Variants in MTA2 observed in about 807,000 individuals in gnomAD.
MTA2 encodes the protein metastasis-associated protein MTA2.
MTA2 carries 22 observed loss-of-function variants against 87.1 expected under a neutral mutation model. The ratio of observed to expected loss-of-function variants is 0.25; its 90% confidence interval spans 0.18 to 0.36. MTA2 has a LOEUF of 0.36. Among genes scored for constraint, MTA2 ranks in the 10% least tolerant of loss-of-function variants. MTA2 has a pLI of 1.00. For synonymous variants in MTA2, 314 were observed against 310.1 expected (o/e 1.01, Z -0.13); for missense variants, 542 against 853.2 (o/e 0.64, Z 4.54).
Position 62,596,866 on chromosome 11 carries a change from T to C in MTA2, c.694-41A>G, listed in dbSNP as rs774791118. ...AGAGCAACTGAGGACCTGAAACTTTTGGCACCACTCCCTTCCTGCTCCTTA... is the reference window on the plus strand; with the variant it reads ...AGAGCAACTGAGGACCTGAAACTTTCGGCACCACTCCCTTCCTGCTCCTTA... On this transcript the variant is annotated intron_variant, in intron 8 of 17. Transcript: ENST00000278823. 5 of 1,562,188 alleles carry C rather than the reference T, an allele frequency of 3.2e-6. No homozygotes were observed. In the South Asian group the frequency reaches 6.1e-5, roughly 19 times the overall value.
At position 62,594,594 on chromosome 11, in the gene MTA2, G is replaced by T. The variant is rs569419752; in HGVS notation, c.1614C>A (p.Thr538=). The T allele has an allele frequency of 6.2e-7, 1 of 1,613,946 alleles. No homozygotes were observed. The highest frequency in any genetic ancestry group is 2.2e-5 in the East Asian group (1 of 44,870). Residue 538 remains threonine (T), a synonymous_variant, in exon 16 of 18, where the codon ACC becomes ACA. Transcript: ENST00000278823. ...APLKPKTPRG[T]KTPINRNQLS... Reference sequence around the variant, plus strand: ...GCTGGTTTCTGTTGATCGGTGTCTTGGTACCCCGAGGTGTTTTTGGTTTCA... The same window carrying T: ...GCTGGTTTCTGTTGATCGGTGTCTTTGTACCCCGAGGTGTTTTTGGTTTCA...
chr11:62,601,300 G>T (rs1355340189), intron 1 of MTA2, 123 bp downstream of exon 1: 3 of 1,268,366 alleles, frequency 2.4e-6, no homozygotes, highest in Admixed American at 4.2e-5. Context: ...TTCCGGTTCC[G>T]GTCCGCGCTC....
intron 15 of MTA2, 114 bp from the exon 16 acceptor site, chr11:62,594,748 T>C: frequency 9.9e-7 from 1 of 1,009,098 alleles, no homozygotes; most frequent in South Asian, 1.5e-5. Flanking sequence ...AAAGTAGCAA[T>C]GGGGGAATGT....
chr11:62,595,621 C>A lies in MTA2; in HGVS notation c.1255-129G>T. ...TACTGACCTCTTGGCCTATGTGTCT[C>A]CCCAACCAGCATCAAGCACCCCGTC... On this transcript the variant is annotated intron_variant, in intron 13 of 17. Coordinates refer to ENST00000278823, the MANE Select transcript of MTA2 (RefSeq NM_004739.4). This position sits in a 1 kb window ranked among gnomAD's most constrained non-coding sequence, Gnocchi z 4.9. 1.3e-6 allele frequency: 2 copies of A among 1,520,392 alleles called. No homozygotes were observed. The highest frequency in any genetic ancestry group is 9.0e-7 in the Non-Finnish European group (1 of 1,115,652). 94.2% of individuals were successfully genotyped at this position (1,520,392 alleles called of 1,614,324 possible). A position where few individuals can be genotyped will look rare whatever the true frequency, so the allele number is the denominator to read the frequency against.
At chr11:62,600,465 C>T (rs1590732987) in intron 2 of MTA2, 157 bp downstream of exon 2, 3 of 826,150 alleles carry the variant, frequency 3.6e-6, no homozygotes, top group South Asian at 1.8e-5. Context: ...TAGTAAAGTT[C>T]CTGCTAACCT....
At position 62,593,723 on chromosome 11, in the gene MTA2, CA is replaced by C. The variant is rs528677661; in HGVS notation, c.*151del. 9 of 919,164 alleles carry C rather than the reference CA, an allele frequency of 9.8e-6. No individual in the cohort carries two copies. Among genetic ancestry groups the C allele is most frequent in the Non-Finnish European group, 1.5e-5 (9 of 618,038 alleles). The allele number at this position is 919,164 out of a possible 1,614,324, so 56.9% of individuals were successfully genotyped here. The stretch of plus-strand genomic sequence containing the variant: ...GAGACAAGTCTCGAGGTGGTAACAC[CA>C]GAGGGCGCCCAACCCCTCCAGGGAC... On this transcript the variant is annotated 3_prime_UTR_variant, in exon 18 of 18. Coordinates refer to ENST00000278823, the MANE Select transcript of MTA2 (RefSeq NM_004739.4).
rs1372994614 is a variant in MTA2 at position 62,601,606 on chromosome 11, G to A, written c.-156C>T. The A allele has an allele frequency of 2.0e-5, 17 of 840,032 alleles. No individual in the cohort carries two copies. The highest frequency in any genetic ancestry group is 2.8e-5 in the Non-Finnish European group (16 of 571,780). 52.0% of individuals were successfully genotyped at this position (840,032 alleles called of 1,614,324 possible). A position where few individuals can be genotyped will look rare whatever the true frequency, so the allele number is the denominator to read the frequency against. On this transcript the variant is annotated 5_prime_UTR_variant, in exon 1 of 18. Transcript: ENST00000278823. ...CGGCACCTCCGCTGCCTCAGCCGTC[G>A]CGGTTCATCCCGGCCCGCGCTGTCG...
Position 62,595,691 on chromosome 11 carries a change from C to T in MTA2, c.1254+61G>A. ...AAAGAGTTGAATATTCTGGCCTTCA[C>T]CTAAGCTCACCATCAATATGCTTAC... On this transcript the variant is annotated intron_variant, in intron 13 of 17. Transcript: ENST00000278823. This position sits in a 1 kb window ranked among gnomAD's most constrained non-coding sequence, Gnocchi z 4.9. 7 of 1,598,428 alleles carry T rather than the reference C, an allele frequency of 4.4e-6. No individual in the cohort carries two copies. The highest frequency in any genetic ancestry group is 6.0e-6 in the Non-Finnish European group (7 of 1,171,076).
chr11:62,596,447 C>A lies in MTA2; in HGVS notation c.957+11G>T, dbSNP rs756556385. On this transcript the variant is annotated intron_variant, in intron 10 of 17. Transcript: ENST00000278823. ...TAGCCTATGGTCCACCCTCCCCAGC[C>A]CAGATAATACCTGCTGAATATACCG... 5 of 1,613,816 alleles carry A rather than the reference C, an allele frequency of 3.1e-6. No individual in the cohort carries two copies. In the South Asian group the frequency reaches 5.5e-5, roughly 18 times the overall value.
Position 62,595,315 on chromosome 11 carries a change from C to T in MTA2, c.1432G>A (p.Ala478Thr), listed in dbSNP as rs1273063904. Residue 478 changes from alanine (A) to threonine (T), a missense_variant, in exon 14 of 18, where the codon GCC becomes ACC. Physicochemically the swap from Ala to Thr is moderately conservative, Grantham distance 58. This residue lies in a region of MTA2 where 269 missense variants were observed against 346.4 expected (regional missense o/e 0.78). Transcript: ENST00000278823. This position sits in a 1 kb window ranked among gnomAD's most constrained non-coding sequence, Gnocchi z 4.9. Reference protein sequence around the residue: ...MCRDLLQPRRAARRPYAPINA... With the variant: ...MCRDLLQPRRTARRPYAPINA... The stretch of plus-strand genomic sequence containing the variant: ...ATAGGAGCATAAGGCCGTCGGGCGG[C>T]CCTCCTTGGCTGTAATAGGTCCCTG... 1 of 1,614,222 alleles carries T rather than the reference C, an allele frequency of 6.2e-7. No individual in the cohort carries two copies. Among genetic ancestry groups the T allele is most frequent in the Admixed American group, 1.7e-5 (1 of 60,022 alleles).
At position 62,593,956 on chromosome 11, in the gene MTA2, C is replaced by T; in HGVS notation, c.1926G>A (p.Leu642=). ...GAGGGACAGGGGGCCGCACTGCAAT[C>T]AGCGTTGGCTTCACCTTCAGGGGCA... ...PNLPLKVKPT[L]IAVRPPVPLP... is the part of the protein sequence containing the mutation. The change falls in exon 18 of 18, where the codon CTG becomes CTA. Residue 642 remains leucine (L), a synonymous_variant. Coordinates refer to ENST00000278823, the MANE Select transcript of MTA2 (RefSeq NM_004739.4). The T allele has an allele frequency of 1.2e-6, 2 of 1,614,174 alleles. No individual in the cohort carries two copies. Among genetic ancestry groups the T allele is most frequent in the Non-Finnish European group, 1.7e-6 (2 of 1,180,008 alleles).
At position 62,595,660 on chromosome 11, in the gene MTA2, CCATATA is replaced by C; in HGVS notation, c.1254+86_1254+91del. 1 of 1,566,690 alleles carries C rather than the reference CCATATA, an allele frequency of 6.4e-7. No homozygotes were observed. Reference sequence around the variant, plus strand: ...AAGCACCCCGTCCATCAAACCATCACCATATAAAGAGTTGAATATTCTGGCCTTCAC... The same window carrying C: ...AAGCACCCCGTCCATCAAACCATCACAAGAGTTGAATATTCTGGCCTTCAC... On this transcript the variant is annotated intron_variant, in intron 13 of 17. Transcript: ENST00000278823. The surrounding 1 kb of genome is among the most constrained non-coding windows in gnomAD (Gnocchi z 4.9).
Position 62,593,953 on chromosome 11 carries a change from A to G in MTA2, c.1929T>C (p.Ile643=), listed in dbSNP as rs1590728676. ...GTAGAGGGACAGGGGGCCGCACTGC[A>G]ATCAGCGTTGGCTTCACCTTCAGGG... The part of the protein sequence containing the change: ...NLPLKVKPTL[I]AVRPPVPLPA... The change falls in exon 18 of 18, where the codon ATT becomes ATC. Residue 643 remains isoleucine (I), a synonymous_variant. Coordinates refer to ENST00000278823, the MANE Select transcript of MTA2 (RefSeq NM_004739.4). 1 of 1,614,174 alleles carries G rather than the reference A, an allele frequency of 6.2e-7. No homozygotes were observed. The highest frequency in any genetic ancestry group is 8.5e-7 in the Non-Finnish European group (1 of 1,180,012).
In MTA2 at chr11:62,596,630, C is replaced by G. The variant is rs748061546; in HGVS notation, c.882+7G>C. 1 of 1,611,598 alleles carries G rather than the reference C, an allele frequency of 6.2e-7. No individual in the cohort carries two copies. The highest frequency in any genetic ancestry group is 8.5e-7 in the Non-Finnish European group (1 of 1,178,540). On this transcript the variant is annotated splice_region_variant and intron_variant, in intron 9 of 17. Transcript: ENST00000278823. ...TCCCACTTCTCCTCCTAGTGCCATC[C>G]ACTTACAAAATCCTGGCGAATATCA...
In MTA2 at chr11:62,595,686, C is replaced by T; in HGVS notation, c.1254+66G>A. The stretch of plus-strand genomic sequence containing the variant: ...CATATAAAGAGTTGAATATTCTGGC[C>T]TTCACCTAAGCTCACCATCAATATG... On this transcript the variant is annotated intron_variant, in intron 13 of 17. Transcript: ENST00000278823. The surrounding 1 kb of genome is among the most constrained non-coding windows in gnomAD (Gnocchi z 4.9). 1 of 1,592,448 alleles carries T rather than the reference C, an allele frequency of 6.3e-7. No homozygotes were observed. The highest frequency in any genetic ancestry group is 1.1e-5 in the South Asian group (1 of 87,640).
chr11:62,601,249 C>G, intron 1 of MTA2, 174 bp downstream of exon 1: 1 of 795,414 alleles, frequency 1.3e-6, no homozygotes, highest in Non-Finnish European at 2.0e-6. Context: ...CGGAGCCCTG[C>G]CGCGTCGCGG....
At chr11:62,596,907 C>T (rs892820212) in intron 8 of MTA2, 82 bp from the exon 9 acceptor site, 5 of 1,407,484 alleles carry the variant, frequency 3.6e-6, no homozygotes, top group East Asian at 2.3e-5. Context: ...CTCCCACTCC[C>T]GGCCGGGCGC....
At position 62,596,122 on chromosome 11, in the gene MTA2, G is replaced by A. The variant is rs1214221496; in HGVS notation, c.1017-15C>T. 6.8e-6 allele frequency: 11 copies of A among 1,613,248 alleles called. No homozygotes were observed. In the East Asian group the frequency reaches 8.9e-5, roughly 13 times the overall value. On this transcript the variant is annotated splice_polypyrimidine_tract_variant and intron_variant, in intron 11 of 17. Transcript: ENST00000278823. ...TTGGCTTAGTGCTAACGGGGAAGGC[G>A]AGGAGAAGGGAAAAAAACAAGAAAC...
At chr11:62,601,002 G>C (rs1464413368) in intron 1 of MTA2, 2 of 488,248 alleles carry the variant, frequency 4.1e-6, no homozygotes, top group African/African-American at 4.0e-5. Flanking sequence ...GTAATTGTCC[G>C]CTCTAGCGCA....
Sources: gnomAD v4.1 joint callset for allele counts on GRCh38, gnomAD v4.1.1 for gene constraint, gnomAD v4.1.1 regional missense constraint, Gnocchi (gnomAD v3.1) non-coding constraint, MANE v1.5 for transcripts, NCBI Gene and HGNC (gene_info 2026-07-23, HGNC 2026-07-21) for gene names.